CHD6: variants seen among roughly 807,000 people sequenced by gnomAD.
CHD6 encodes the protein chromodomain helicase DNA binding protein 6.
In CHD6, 50 loss-of-function variants were observed where a neutral mutation model predicts 276.9. The ratio of observed to expected loss-of-function variants is 0.18; its 90% CI spans 0.14 to 0.23. The LOEUF is 0.23. CHD6 is among the 10% of genes least tolerant of loss of function. The pLI, the probability that CHD6 is intolerant of heterozygous loss-of-function variation, is 1.00. For synonymous variants in CHD6, 1,173 were observed against 1,229.3 expected, an observed-to-expected ratio of 0.95 and a Z score of 0.96; for missense variants, 2,564 against 3,365.8, an observed-to-expected ratio of 0.76 and a Z score of 5.89.
In CHD6 at chr20:41,535,349, G is replaced by C. The variant is rs530630882; in HGVS notation, c.34-1779C>G. ...GTAATCTTTATAACAATCCCACAGGGTCAATATGAAGATGCCAATTTTGTA... is the reference window on the plus strand; with the variant it reads ...GTAATCTTTATAACAATCCCACAGGCTCAATATGAAGATGCCAATTTTGTA... On this transcript the variant is annotated intron_variant, in intron 2 of 36. Coordinates refer to ENST00000373233, the MANE Select transcript of CHD6 (RefSeq NM_032221.5). Among the ~76,000 whole-genome samples the C allele has an allele frequency of 1.4e-3, 220 of 152,310 alleles. 1 individual carries two copies. The highest frequency in any genetic ancestry group is 2.6e-3 in the Non-Finnish European group (179 of 68,022).
At chr20:41,445,948 T>C (rs1046236252) in intron 24 of CHD6, among the ~76,000 whole-genome samples, 180 bp from the exon 25 acceptor site, 11 of 152,260 alleles carry the variant, frequency 7.2e-5, no homozygotes, top group African/African-American at 2.4e-4. Context: ...TAGGCAGTGA[T>C]TTAAGCATAA....
intron 1 of CHD6, among the ~76,000 whole-genome samples, chr20:41,571,201 G>C (rs2045411957): frequency 6.6e-6 from 1 of 152,084 alleles, no homozygotes; most frequent in Admixed American, 6.6e-5. Context: ...AACGCTTACA[G>C]AAGACAGCAG....
At chr20:41,463,815 G>A (rs1274158286) in intron 17 of CHD6, among the ~76,000 whole-genome samples, 1 of 152,188 alleles carries the variant, frequency 6.6e-6, no homozygotes, top group Non-Finnish European at 1.5e-5. Flanking sequence ...AATATGAACT[G>A]TGGATTGGAG....
At position 41,451,945 on chromosome 20, in the gene CHD6, C is replaced by T; in HGVS notation, c.3404G>A (p.Arg1135His). The T allele has an allele frequency of 6.2e-7, 1 of 1,613,988 alleles. No homozygotes were observed. The highest frequency in any genetic ancestry group is 8.5e-7 in the Non-Finnish European group (1 of 1,179,896). The change falls in exon 22 of 37, where the codon CGT (arginine) becomes CAT (histidine). Residue 1135 changes from arginine to histidine, a missense_variant. Around this residue, in one of 7 missense-constraint regions of CHD6, gnomAD observed 515 missense variants for 739.5 expected, o/e 0.70. Transcript: ENST00000373233. The part of the protein sequence containing the change: ...LNEKDMEMIC[R>H]ALLVYCVKHY... Reference sequence around the variant, plus strand: ...CTTGACACAGTACACCAGGAGGGCACGGCAAATCATCTCCATGTCCTTCTC... The same window carrying T: ...CTTGACACAGTACACCAGGAGGGCATGGCAAATCATCTCCATGTCCTTCTC...
intron 36 of CHD6, among the ~76,000 whole-genome samples, chr20:41,411,888 AG>A (rs1192434377): frequency 2.6e-5 from 4 of 152,228 alleles, no homozygotes; most frequent in Admixed American, 1.3e-4. Context: ...CACAAACCCA[AG>A]TTTTGGCAAT....
At chr20:41,609,829 CTG>C (rs1248831998) in intron 1 of CHD6, among the ~76,000 whole-genome samples, 3 of 147,744 alleles carry the variant, frequency 2.0e-5, no homozygotes, top group Middle Eastern at 7.4e-3. Context: ...GCATGTGGAT[CTG>C]TGTTTCCTTT....
intron 1 of CHD6, among the ~76,000 whole-genome samples, chr20:41,617,340 G>A (rs2045942884): frequency 6.6e-6 from 1 of 152,204 alleles, no homozygotes; most frequent in Non-Finnish European, 1.5e-5. Context: ...TGAAACCACA[G>A]TCACATTAGT....
intron 1 of CHD6, among the ~76,000 whole-genome samples, chr20:41,602,643 A>G (rs1458194581): frequency 6.6e-6 from 1 of 152,172 alleles, no homozygotes; most frequent in Non-Finnish European, 1.5e-5. Context: ...GGTCATCACC[A>G]GCATTTCTTT....
intron 1 of CHD6, among the ~76,000 whole-genome samples, chr20:41,584,442 T>C (rs1057054714): frequency 6.6e-6 from 1 of 152,152 alleles, no homozygotes; most frequent in African/African-American, 2.4e-5. Context: ...AAAATTTCTA[T>C]CTAGAAGATA....
chr20:41,456,581 T>G (rs2048383690), intron 18 of CHD6, among the ~76,000 whole-genome samples: 1 of 152,110 alleles, frequency 6.6e-6, no homozygotes, highest in Non-Finnish European at 1.5e-5. Flanking sequence ...TAACTTGAAG[T>G]ATTATACTTA....
At chr20:41,517,686 T>C (rs1227453157) in intron 3 of CHD6, among the ~76,000 whole-genome samples, 1 of 152,226 alleles carries the variant, frequency 6.6e-6, no homozygotes, top group Non-Finnish European at 1.5e-5. Context: ...CATAGCAAAT[T>C]ACATTCTACA....
intron 31 of CHD6, 26 bp from the exon 32 acceptor site, chr20:41,417,375 A>G: frequency 6.2e-7 from 1 of 1,604,080 alleles, no homozygotes; most frequent in Non-Finnish European, 8.5e-7. Context: ...AAAATTAATC[A>G]GGCACTTAAC....
intron 12 of CHD6, among the ~76,000 whole-genome samples, chr20:41,489,551 A>T (rs2043498165): frequency 6.6e-6 from 1 of 152,196 alleles, no homozygotes; most frequent in Non-Finnish European, 1.5e-5. Flanking sequence ...TCAGTGTCCT[A>T]AAAAAGGTAT....
At chr20:41,409,727 C>T (rs972678249) in intron 36 of CHD6, among the ~76,000 whole-genome samples, 2 of 152,054 alleles carry the variant, frequency 1.3e-5, no homozygotes, top group South Asian at 2.1e-4. Flanking sequence ...GACTAGATAA[C>T]AAGTATTATT....
intron 1 of CHD6, among the ~76,000 whole-genome samples, chr20:41,556,251 A>C (rs1428804831): frequency 6.8e-6 from 1 of 147,546 alleles, no homozygotes; most frequent in African/African-American, 2.5e-5. Context: ...GGAAAGAGGG[A>C]GAGGGAGAGG....
chr20:41,608,905 C>G (rs868319925), intron 1 of CHD6, among the ~76,000 whole-genome samples: 16 of 152,196 alleles, frequency 1.1e-4, no homozygotes, highest in African/African-American at 3.9e-4. Context: ...AGCTCTGCTA[C>G]ATGAAATGCT....
Position 41,425,384 on chromosome 20 carries a change from G to A in CHD6, c.4140C>T (p.Gly1380=), listed in dbSNP as rs1435044015. The A allele has an allele frequency of 3.7e-6, 6 of 1,613,680 alleles. No homozygotes were observed. The highest frequency in any genetic ancestry group is 5.1e-6 in the Non-Finnish European group (6 of 1,179,906). ...GCCAGGGCGATTTGTCTGGGTCGGA[G>A]CCATCCTGGGCTTCAAACATCAGTG... ...KKDDSRAAQD[G]SDPDKSPWPV... is the part of the protein sequence containing the mutation. Residue 1380 remains glycine (G), a synonymous_variant, in exon 29 of 37, where the codon GGC becomes GGT. Transcript: ENST00000373233.
chr20:41,606,495 C>T lies in CHD6; in HGVS notation c.-24+11845G>A, dbSNP rs537228405. Among the ~76,000 whole-genome samples, 306 of 151,958 alleles carry T rather than the reference C, an allele frequency of 2.0e-3. 2 individuals are homozygous for T. Among genetic ancestry groups the T allele is most frequent in the African/African-American group, 6.6e-3 (273 of 41,394 alleles). On this transcript the variant is annotated intron_variant, in intron 1 of 36. Transcript: ENST00000373233. ...TGCCACTGCACTCCAGCCTGGGCGA[C>T]GGAGCGAGACTCTGTCTCAAAAAAA...
rs1458134439 is a variant in CHD6 at position 41,421,251 on chromosome 20, G to A, written c.5384C>T (p.Ala1795Val). ...SKEGELCCSE[A>V]GQRPENIGQL... ...GCCAATGTTTTCAGGTCTCTGTCCT[G>A]CCTCACTGCAGCAGAGCTCCCCTTC... The change falls in exon 31 of 37, where the codon GCA becomes GTA. Residue 1795 changes from alanine to valine, a missense_variant. Physicochemically the swap from Ala to Val is moderately conservative, Grantham distance 64. Coordinates refer to ENST00000373233, the MANE Select transcript of CHD6 (RefSeq NM_032221.5). 6.2e-7 allele frequency: 1 copy of A among 1,614,036 alleles called. No homozygotes were observed. The highest frequency in any genetic ancestry group is 1.7e-5 in the Admixed American group (1 of 60,024).
Sources: allele counts gnomAD v4.1 joint callset (sites outside exome capture counted in the v4.1 genomes callset), GRCh38; gene constraint gnomAD v4.1.1; regional missense constraint gnomAD v4.1.1; transcripts MANE v1.5; gene names NCBI Gene and HGNC (gene_info 2026-07-23, HGNC 2026-07-21).